FAM117B: variants seen among roughly 807,000 people sequenced by gnomAD.
FAM117B encodes the protein protein FAM117B.
A neutral mutation model predicts 52.8 loss-of-function variants in FAM117B; 22 were observed. That is an observed-to-expected ratio of 0.42 (90% CI 0.30 to 0.59). The LOEUF (loss-of-function observed/expected upper bound fraction) is 0.59. Among genes scored for constraint, FAM117B ranks in the 20% least tolerant of loss-of-function variants. FAM117B has a pLI of 0.22. For synonymous variants in FAM117B, 309 were observed against 324.1 expected (o/e 0.95, Z 0.50); for missense variants, 678 against 802.6 (o/e 0.84, Z 1.88).
chr2:202,749,699 T>C (rs1004661353), intron 4 of FAM117B, among the ~76,000 whole-genome samples: 3 of 152,096 alleles, frequency 2.0e-5, no homozygotes, highest in Middle Eastern at 3.2e-3. Context: ...AGGTCAAGGC[T>C]GGGAGGATCA....
intron 1 of FAM117B, among the ~76,000 whole-genome samples, chr2:202,672,415 G>A (rs1184322515): frequency 6.6e-6 from 1 of 152,134 alleles, no homozygotes; most frequent in Non-Finnish European, 1.5e-5. Context: ...GTTTCACCAT[G>A]TTGGCCAGGG....
intron 2 of FAM117B, among the ~76,000 whole-genome samples, chr2:202,717,147 C>A (rs573507700): frequency 6.6e-6 from 1 of 152,240 alleles, no homozygotes; most frequent in African/African-American, 2.4e-5. Context: ...ACCTGTCCTT[C>A]TTGGGAAAGC....
At chr2:202,732,826 GTAAA>G (rs71406995) in intron 4 of FAM117B, among the ~76,000 whole-genome samples, 46,805 of 140,948 alleles carry the variant, frequency 0.33, 9,170 homozygotes, top group African/African-American at 0.56. Flanking sequence ...ATCTCAATAA[GTAAA>G]TAAATAAATA....
chr2:202,741,508 A>T (rs1357591710), intron 4 of FAM117B, among the ~76,000 whole-genome samples: 1 of 150,818 alleles, frequency 6.6e-6, no homozygotes, highest in Non-Finnish European at 1.5e-5. Context: ...CTAGTTGGAA[A>T]ACCTCCGAGA....
At chr2:202,708,749 CA>C (rs1029223676) in intron 2 of FAM117B, among the ~76,000 whole-genome samples, 3 of 152,006 alleles carry the variant, frequency 2.0e-5, no homozygotes, top group Non-Finnish European at 4.4e-5. Context: ...GGACTCTAGG[CA>C]TGTGCCACCA....
intron 2 of FAM117B, among the ~76,000 whole-genome samples, 170 bp downstream of exon 2, chr2:202,696,202 G>A (rs763057701): frequency 2.6e-5 from 4 of 152,138 alleles, no homozygotes; most frequent in East Asian, 3.8e-4. Flanking sequence ...TTCTGTAGTC[G>A]GTTTTGGTTG....
chr2:202,753,544 C>T (rs1691756105), intron 4 of FAM117B, among the ~76,000 whole-genome samples: 1 of 152,068 alleles, frequency 6.6e-6, no homozygotes, highest in Non-Finnish European at 1.5e-5. Flanking sequence ...AGCTTCTGCT[C>T]AGCAAAAGAA....
intron 1 of FAM117B, among the ~76,000 whole-genome samples, chr2:202,640,296 ATATATAT>A: frequency 1.1e-4 from 1 of 9,194 alleles, no homozygotes; most frequent in Non-Finnish European, 2.0e-4. Flanking sequence ...CCACCACAAA[ATATATAT>A]ATATATATAT....
chr2:202,670,539 C>T (rs1690275324), intron 1 of FAM117B, among the ~76,000 whole-genome samples: 1 of 152,080 alleles, frequency 6.6e-6, no homozygotes, highest in South Asian at 2.1e-4. Context: ...GATCCTGCCT[C>T]AGCCTCCCAA....
chr2:202,733,554 A>G (rs746578948), intron 4 of FAM117B, among the ~76,000 whole-genome samples: 3 of 152,094 alleles, frequency 2.0e-5, no homozygotes, highest in African/African-American at 4.8e-5. Context: ...TTAATTATTA[A>G]TATTCCTTGC....
intron 4 of FAM117B, among the ~76,000 whole-genome samples, chr2:202,730,834 C>A (rs997496738): frequency 6.6e-6 from 1 of 152,082 alleles, no homozygotes; most frequent in Non-Finnish European, 1.5e-5. Context: ...TGTGACATTG[C>A]GTTAGGCAAT....
intron 2 of FAM117B, among the ~76,000 whole-genome samples, chr2:202,714,222 C>A (rs1254795668): frequency 1.3e-5 from 2 of 151,948 alleles, no homozygotes; most frequent in Non-Finnish European, 2.9e-5. Context: ...TTTTTTGTGA[C>A]CTAACATAGT....
chr2:202,636,278 G>A (rs1007603111), intron 1 of FAM117B, among the ~76,000 whole-genome samples: 1 of 152,240 alleles, frequency 6.6e-6, no homozygotes, highest in East Asian at 1.9e-4. Context: ...AGCAGTGGCA[G>A]ATTTGGATCA....
rs1692008098 is a variant in FAM117B, at chr2:202,767,927, G to A, written c.*2163G>A. ...CAGTCATGAAAAGCTCAGTTATTTG[G>A]GGTCTACATTTTCTCACTGAGAGCC... On this transcript the variant is annotated 3_prime_UTR_variant, in exon 8 of 8. Transcript: ENST00000392238. The A allele has an allele frequency of 6.6e-6, 1 of 152,080 alleles. No individual in the cohort carries two copies. Among genetic ancestry groups the A allele is most frequent in the Non-Finnish European group, 1.5e-5 (1 of 68,010 alleles). 9.4% of individuals were successfully genotyped at this position (152,080 alleles called of 1,614,324 possible).
At chr2:202,741,123 A>G (rs558651302) in intron 4 of FAM117B, among the ~76,000 whole-genome samples, 2 of 152,252 alleles carry the variant, frequency 1.3e-5, no homozygotes, top group Middle Eastern at 3.4e-3. Context: ...AGTTAGAGCC[A>G]TTAGAATTGG....
chr2:202,743,080 C>T (rs963860834), intron 4 of FAM117B, among the ~76,000 whole-genome samples: 5 of 152,188 alleles, frequency 3.3e-5, no homozygotes, highest in African/African-American at 1.2e-4. Context: ...CACATGGAAA[C>T]CCAAGGACTA....
chr2:202,680,440 AAT>A (rs1690445826), intron 1 of FAM117B, among the ~76,000 whole-genome samples: 1 of 152,198 alleles, frequency 6.6e-6, no homozygotes, highest in African/African-American at 2.4e-5. Context: ...CTGAAGAAAT[AAT>A]GACTGAAAAT....
intron 1 of FAM117B, among the ~76,000 whole-genome samples, chr2:202,651,945 T>C (rs58706218): frequency 1.3e-5 from 2 of 150,964 alleles, no homozygotes; most frequent in African/African-American, 2.4e-5. Flanking sequence ...CCCAGCTGCT[T>C]GGGAGGCTGA....
chr2:202,675,228 A>T (rs1410615058), intron 1 of FAM117B, among the ~76,000 whole-genome samples: 1 of 145,106 alleles, frequency 6.9e-6, no homozygotes, highest in Non-Finnish European at 1.5e-5. Context: ...CCTGTCTCTT[A>T]AAAAAAAAAA....
Sources: allele counts gnomAD v4.1 joint callset (sites outside exome capture counted in the v4.1 genomes callset), GRCh38; gene constraint gnomAD v4.1.1; transcripts MANE v1.5; gene names NCBI Gene and HGNC (gene_info 2026-07-23, HGNC 2026-07-21).